GPC6: variants seen among roughly 807,000 people sequenced by gnomAD.
GPC6 encodes glypican-6.
A neutral mutation model predicts 55.2 loss-of-function variants in GPC6; 14 were observed. The ratio of observed to expected loss-of-function variants is 0.25; its 90% CI spans 0.17 to 0.40. GPC6 has a LOEUF of 0.40. Among genes scored for constraint, GPC6 ranks in the 10% least tolerant of loss-of-function variants. GPC6 has a pLI of 1.00. For missense variants in GPC6, 641 were observed against 708.5 expected, an observed-to-expected ratio of 0.90 and a Z score of 1.08; for synonymous variants, 278 against 259.6, an observed-to-expected ratio of 1.07 and a Z score of -0.68.
rs185518251 is a variant in GPC6 at position 93,310,356 on chromosome 13, C to T, written c.160+82740C>T. Reference sequence around the variant, plus strand: ...TTCCTGCTTCCTTCTACGTCAGTTCCCAAGAGCTTGGGGTTTTGACTTTTT... The same window carrying T: ...TTCCTGCTTCCTTCTACGTCAGTTCTCAAGAGCTTGGGGTTTTGACTTTTT... On this transcript the variant is annotated intron_variant, in intron 1 of 8. Coordinates refer to ENST00000377047, the MANE Select transcript of GPC6 (RefSeq NM_005708.5). 8.2e-4 allele frequency among the ~76,000 whole-genome samples: 125 copies of T among 152,278 alleles called. 3 individuals are homozygous for T. Among genetic ancestry groups the T allele is most frequent in the African/African-American group, 2.8e-3 (115 of 41,558 alleles).
intron 1 of GPC6, among the ~76,000 whole-genome samples, chr13:93,329,842 C>CA (rs34309783): frequency 0.018 from 2,612 of 143,396 alleles, 66 homozygotes; most frequent in African/African-American, 0.061. Context: ...ACAACAATAA[C>CA]AAAAAAAAAA....
Position 93,830,441 on chromosome 13 carries a change from G to A in GPC6, c.607G>A (p.Val203Met), listed in dbSNP as rs376951709. The change falls in exon 3 of 9, where the codon GTG (valine) becomes ATG (methionine). Residue 203 changes from valine to methionine, a missense_variant. By Grantham distance (21) the Val-to-Met change is conservative. Coordinates refer to ENST00000377047, the MANE Select transcript of GPC6 (RefSeq NM_005708.5). ...TGACCAGCTCAAGCCATTTGGAGAC[G>A]TGCCCCGGAAACTGAAGATTCAGGT... ...YTDQLKPFGD[V>M]PRKLKIQVTR... is the part of the protein sequence containing the mutation. 11 of 1,613,650 alleles carry A rather than the reference G, an allele frequency of 6.8e-6. No individual in the cohort carries two copies. Among genetic ancestry groups the A allele is most frequent in the African/African-American group, 2.7e-5 (2 of 74,850 alleles).
chr13:93,925,509 G>A (rs74731544), intron 3 of GPC6, among the ~76,000 whole-genome samples: 3,983 of 152,236 alleles, frequency 0.026, 194 homozygotes, highest in African/African-American at 0.091. Flanking sequence ...GCCTTGAAAT[G>A]GAGAAGTCCA....
chr13:94,155,318 G>T (rs1297239424), intron 4 of GPC6, among the ~76,000 whole-genome samples: 1 of 152,102 alleles, frequency 6.6e-6, no homozygotes, highest in Non-Finnish European at 1.5e-5. Context: ...TTATCATCTG[G>T]ATTCTGCTCT....
chr13:93,766,541 T>A (rs1174175049), intron 2 of GPC6, among the ~76,000 whole-genome samples: 1 of 152,084 alleles, frequency 6.6e-6, no homozygotes, highest in Non-Finnish European at 1.5e-5. Context: ...AATAATATAC[T>A]GCCAATGGAA....
intron 2 of GPC6, among the ~76,000 whole-genome samples, chr13:93,677,379 T>C (rs1881674792): frequency 6.6e-6 from 1 of 152,146 alleles, no homozygotes; most frequent in Admixed American, 6.6e-5. Flanking sequence ...TTATTCACCA[T>C]TTATAATTGG....
At chr13:94,383,666 C>T (rs533371283) in intron 7 of GPC6, among the ~76,000 whole-genome samples, 4 of 152,238 alleles carry the variant, frequency 2.6e-5, no homozygotes, top group African/African-American at 7.2e-5. Context: ...GGGAGGTGCA[C>T]GTTAGGTGTT....
At chr13:94,092,596 G>A (rs919553721) in intron 4 of GPC6, among the ~76,000 whole-genome samples, 4 of 152,048 alleles carry the variant, frequency 2.6e-5, no homozygotes, top group Non-Finnish European at 4.4e-5. Context: ...ATGAACATGG[G>A]GAGTACAGAT....
intron 1 of GPC6, among the ~76,000 whole-genome samples, chr13:93,419,582 T>C (rs1336411701): frequency 3.3e-5 from 5 of 152,064 alleles, no homozygotes; most frequent in Non-Finnish European, 7.4e-5. Flanking sequence ...ACAACGGAAA[T>C]GTGTATTTTT....
chr13:94,156,349 T>C (rs1887936072), intron 4 of GPC6, among the ~76,000 whole-genome samples: 1 of 152,022 alleles, frequency 6.6e-6, no homozygotes, highest in African/African-American at 2.4e-5. Context: ...CTGAAAGGGG[T>C]AATGAATATG....
At chr13:93,396,661 G>A (rs190677331) in intron 1 of GPC6, among the ~76,000 whole-genome samples, 2 of 152,108 alleles carry the variant, frequency 1.3e-5, no homozygotes, top group East Asian at 3.9e-4. Flanking sequence ...TGATTTACTA[G>A]TTTAAGGACA....
At chr13:93,255,421 C>T (rs1876919951) in intron 1 of GPC6, among the ~76,000 whole-genome samples, 1 of 152,138 alleles carries the variant, frequency 6.6e-6, no homozygotes, top group African/African-American at 2.4e-5. Flanking sequence ...TGATCTAACA[C>T]TGTCTCTTTT....
intron 3 of GPC6, among the ~76,000 whole-genome samples, chr13:94,019,698 C>G (rs1467411677): frequency 6.6e-6 from 1 of 152,082 alleles, no homozygotes; most frequent in Non-Finnish European, 1.5e-5. Flanking sequence ...TTATCTAGAT[C>G]CTTACTTTAT....
At chr13:93,896,731 C>T (rs1211762200) in intron 3 of GPC6, among the ~76,000 whole-genome samples, 1 of 151,876 alleles carries the variant, frequency 6.6e-6, no homozygotes, top group East Asian at 1.9e-4. Flanking sequence ...TATATGTTTC[C>T]TGTTAGCCTC....
intron 1 of GPC6, among the ~76,000 whole-genome samples, chr13:93,425,306 T>C (rs1050652111): frequency 2.4e-4 from 36 of 152,256 alleles, no homozygotes; most frequent in African/African-American, 7.7e-4. Context: ...ATGTACTTGG[T>C]TGAATGATCA....
chr13:94,137,539 CAG>C, intron 4 of GPC6, among the ~76,000 whole-genome samples: 1 of 152,204 alleles, frequency 6.6e-6, no homozygotes, highest in South Asian at 2.1e-4. Context: ...ACTTTCCAGG[CAG>C]AGACAAGGGA....
chr13:94,252,656 A>T (rs1009450435), intron 4 of GPC6, among the ~76,000 whole-genome samples: 5 of 152,156 alleles, frequency 3.3e-5, no homozygotes, highest in Non-Finnish European at 7.4e-5. Flanking sequence ...TATCTTTAGT[A>T]TTAATCATGA....
intron 3 of GPC6, among the ~76,000 whole-genome samples, chr13:93,939,504 G>A (rs1474372417): frequency 6.6e-6 from 1 of 151,694 alleles, no homozygotes; most frequent in African/African-American, 2.4e-5. Context: ...ATTTATATAG[G>A]AGAAGAAAAT....
chr13:93,467,638 G>T (rs1214333676), intron 1 of GPC6, among the ~76,000 whole-genome samples: 3 of 145,324 alleles, frequency 2.1e-5, no homozygotes, highest in African/African-American at 7.7e-5. Flanking sequence ...ATGGAGTGCG[G>T]TATTGTGATC....
Sources: allele counts gnomAD v4.1 joint callset (sites outside exome capture counted in the v4.1 genomes callset), GRCh38; gene constraint gnomAD v4.1.1; transcripts MANE v1.5; gene names NCBI Gene and HGNC (gene_info 2026-07-23, HGNC 2026-07-21).